Variants in CTSS observed in about 807,000 individuals in gnomAD.
CTSS encodes cathepsin S.
CTSS carries 15 observed loss-of-function variants against 39.9 expected under a neutral mutation model. The ratio of observed to expected loss-of-function variants is 0.38; its 90% CI spans 0.25 to 0.58. The LOEUF (loss-of-function observed/expected upper bound fraction) is 0.58. Among genes scored for constraint, CTSS ranks in the 20% least tolerant of loss-of-function variants. CTSS has a pLI of 0.70. For missense variants in CTSS, 250 were observed against 398.2 expected, an observed-to-expected ratio of 0.63 and a Z score of 3.17; for synonymous variants, 126 against 138.2, an observed-to-expected ratio of 0.91 and a Z score of 0.62.
At chr1:150,754,111 C>CTTT (rs751446609) in intron 4 of CTSS, among the ~76,000 whole-genome samples, 2 of 128,262 alleles carry the variant, frequency 1.6e-5, no homozygotes, top group Admixed American at 8.0e-5. Context: ...CTCCTATACA[C>CTTT]TTTTTTTTTT....
chr1:150,756,742 GT>G (rs931345259), intron 3 of CTSS, among the ~76,000 whole-genome samples: 3 of 131,744 alleles, frequency 2.3e-5, no homozygotes, highest in Admixed American at 1.7e-4. Flanking sequence ...TTGAGACGGA[GT>G]TTCACTCTTT....
chr1:150,758,113 G>C, intron 2 of CTSS, 133 bp from the exon 3 acceptor site: 1 of 730,054 alleles, frequency 1.4e-6, no homozygotes. Context: ...CCAATGGCAC[G>C]ATCTCAGCTT....
intron 7 of CTSS, among the ~76,000 whole-genome samples, chr1:150,741,707 T>C (rs2101912574): frequency 1.3e-5 from 2 of 151,212 alleles, no homozygotes; most frequent in African/African-American, 4.9e-5. Flanking sequence ...AAACCCCATC[T>C]CTACTAAAAA....
chr1:150,754,022 G>A (rs1653061096), intron 4 of CTSS, among the ~76,000 whole-genome samples: 1 of 151,838 alleles, frequency 6.6e-6, no homozygotes. Context: ...TTGGTTCCAG[G>A]ACCTCTGAGC....
chr1:150,733,807 A>AT (rs1183521546), intron 7 of CTSS, among the ~76,000 whole-genome samples: 1 of 151,130 alleles, frequency 6.6e-6, no homozygotes, highest in Non-Finnish European at 1.5e-5. Flanking sequence ...TACAAAAAAA[A>AT]TTTTTTTTTA....
At chr1:150,733,239 A>G (rs1314093783) in intron 7 of CTSS, 94 bp from the exon 8 acceptor site, 2 of 904,934 alleles carry the variant, frequency 2.2e-6, no homozygotes, top group Non-Finnish European at 3.4e-6. Flanking sequence ...ATAAGTGATT[A>G]CATATGAAAG....
In CTSS at chr1:150,733,070, G is replaced by A; in HGVS notation, c.972C>T (p.Ser324=). 1 of 1,613,008 alleles carries A rather than the reference G, an allele frequency of 6.2e-7. No homozygotes were observed. Residue 324 remains serine, a synonymous_variant, in exon 8 of 8, where the codon AGC becomes AGT. Transcript: ENST00000368985. ...RNKGNHCGIA[S]FPSYPEI ...TCTAGATTTCTGGGTAAGAGGGAAA[G>A]CTAGCAATCCCACAATGATTTCCTT...
Position 150,757,914 on chromosome 1 carries a change from C to G in CTSS, c.193G>C (p.Glu65Gln), listed in dbSNP as rs1373096882. 1 of 1,613,490 alleles carries G rather than the reference C, an allele frequency of 6.2e-7. No homozygotes were observed. Among genetic ancestry groups the G allele is most frequent in the Non-Finnish European group, 8.5e-7 (1 of 1,179,554 alleles). Reference protein sequence around the residue: ...NLKFVMLHNLEHSMGMHSYDL... With the variant: ...NLKFVMLHNLQHSMGMHSYDL... ...TATGAGTGCATTCCCATTGAATGCT[C>G]CAGGTTGTGAAGCATCACAAACTTT... Residue 65 changes from glutamate (E) to glutamine (Q), a missense_variant, in exon 3 of 8, where the codon GAG becomes CAG. Glu to Gln is a conservative substitution (Grantham distance 29). Transcript: ENST00000368985.
rs766974058 is a variant in CTSS at position 150,751,865 on chromosome 1, A to T, written c.543T>A (p.Asn181Lys). ...STEKYGNKGC[N>K]GGFMTTAFQY... The stretch of plus-strand genomic sequence containing the variant: ...GGAAAGCCGTTGTCATGAAGCCACC[A>T]TTGCAGCCTTTGTTTCCATATTTTT... Residue 181 changes from asparagine to lysine, a missense_variant, in exon 5 of 8, where the codon AAT becomes AAA. Asn to Lys is a moderately conservative substitution (Grantham distance 94, BLOSUM62 0). Coordinates refer to ENST00000368985, the MANE Select transcript of CTSS (RefSeq NM_004079.5). 2 of 1,614,168 alleles carry T rather than the reference A, an allele frequency of 1.2e-6. No homozygotes were observed. The highest frequency in any genetic ancestry group is 1.7e-6 in the Non-Finnish European group (2 of 1,180,040).
intron 7 of CTSS, among the ~76,000 whole-genome samples, chr1:150,745,003 A>G (rs1476101289): frequency 6.6e-6 from 1 of 152,078 alleles, no homozygotes; most frequent in Non-Finnish European, 1.5e-5. Context: ...CATTTTAAAA[A>G]GCTATCACTG....
At chr1:150,747,726 A>C in intron 7 of CTSS, 51 bp downstream of exon 7, 2 of 1,153,040 alleles carry the variant, frequency 1.7e-6, no homozygotes, top group Non-Finnish European at 2.6e-6. Context: ...TATTTGCTGA[A>C]ACTCCCTCAA....
In CTSS at chr1:150,731,067, T is replaced by C. The variant is rs1652510672; in HGVS notation, c.*1979A>G. Reference sequence around the variant, plus strand: ...ATTCTACTTTCAATACTTGAAAAGTTGTGGATAAAACAAAAATTATGTTAA... The same window carrying C: ...ATTCTACTTTCAATACTTGAAAAGTCGTGGATAAAACAAAAATTATGTTAA... On this transcript the variant is annotated 3_prime_UTR_variant, in exon 8 of 8. Coordinates refer to ENST00000368985, the MANE Select transcript of CTSS (RefSeq NM_004079.5). The C allele has an allele frequency of 6.6e-6, 1 of 152,160 alleles. No individual in the cohort carries two copies. The highest frequency in any genetic ancestry group is 2.4e-5 in the African/African-American group (1 of 41,440). The allele number at this position is 152,160 out of a possible 1,614,324, so 9.4% of individuals were successfully genotyped here.
intron 4 of CTSS, 127 bp downstream of exon 4, chr1:150,754,874 C>G: frequency 9.9e-7 from 1 of 1,006,830 alleles, no homozygotes; most frequent in African/African-American, 1.6e-5. Flanking sequence ...GTTGGGAAGA[C>G]AAGAATAACA....
At chr1:150,757,647 G>T (rs1217414362) in intron 3 of CTSS, among the ~76,000 whole-genome samples, 1 of 151,626 alleles carries the variant, frequency 6.6e-6, no homozygotes, top group East Asian at 1.9e-4. Context: ...TTCCTCTAAA[G>T]AAGTGATTTG....
At chr1:150,748,027 C>T (rs1282997813) in intron 6 of CTSS, 148 bp from the exon 7 acceptor site, 6 of 570,310 alleles carry the variant, frequency 1.1e-5, no homozygotes, top group Non-Finnish European at 1.9e-5. Flanking sequence ...CATGGTGGCT[C>T]ATGCCTGTAA....
At chr1:150,749,675 G>T (rs1557811706) in intron 6 of CTSS, among the ~76,000 whole-genome samples, 2 of 150,070 alleles carry the variant, frequency 1.3e-5, no homozygotes, top group African/African-American at 4.9e-5. Flanking sequence ...TTAGAGACAG[G>T]TTTTCACTCT....
intron 7 of CTSS, 76 bp from the exon 8 acceptor site, chr1:150,733,221 T>C (rs1557806937): frequency 2.7e-6 from 3 of 1,114,450 alleles, no homozygotes; most frequent in Non-Finnish European, 4.0e-6. Context: ...TCTCATTGTT[T>C]TTCTCCTATA....
intron 7 of CTSS, among the ~76,000 whole-genome samples, 165 bp downstream of exon 7, chr1:150,747,612 A>C (rs1026999418): frequency 6.6e-6 from 1 of 152,202 alleles, no homozygotes; most frequent in Non-Finnish European, 1.5e-5. Flanking sequence ...GGTAAGTGAA[A>C]AGATGGGGGC....
At chr1:150,752,484 T>TAA (rs1367733232) in intron 4 of CTSS, among the ~76,000 whole-genome samples, 10 of 152,124 alleles carry the variant, frequency 6.6e-5, no homozygotes, top group African/African-American at 2.4e-4. Context: ...TTTTTTTGAT[T>TAA]AAAAAATATT....
Sources: allele counts gnomAD v4.1 joint callset (sites outside exome capture counted in the v4.1 genomes callset), GRCh38; gene constraint gnomAD v4.1.1; transcripts MANE v1.5; gene names NCBI Gene and HGNC (gene_info 2026-07-23, HGNC 2026-07-21).